Variants in SIMC1 observed in about 807,000 individuals in gnomAD.
SIMC1 encodes SUMO-interacting motif-containing protein 1.
SIMC1 carries 55 observed loss-of-function variants against 82.3 expected under a neutral mutation model. The ratio of observed to expected loss-of-function variants is 0.67; its 90% CI spans 0.54 to 0.84. SIMC1 has a LOEUF of 0.84. Among genes scored for constraint, SIMC1 ranks in the 40% least tolerant of loss-of-function variants. SIMC1 has a pLI of 0.00. For synonymous variants in SIMC1, 353 were observed against 426.3 expected (o/e 0.83, Z 2.12); for missense variants, 915 against 1,107.2 (o/e 0.83, Z 2.46).
intron 1 of SIMC1, among the ~76,000 whole-genome samples, chr5:176,285,515 AC>A (rs1328543681): frequency 2.6e-5 from 4 of 152,158 alleles, no homozygotes; most frequent in Admixed American, 2.0e-4. Context: ...TTTATGACAA[AC>A]CCACAGCCAA....
intron 4 of SIMC1, among the ~76,000 whole-genome samples, chr5:176,298,851 A>C (rs746253824): frequency 2.6e-5 from 4 of 152,176 alleles, no homozygotes; most frequent in Non-Finnish European, 4.4e-5. Flanking sequence ...AAATCAAAGC[A>C]TGTCACTACA....
intron 9 of SIMC1, among the ~76,000 whole-genome samples, chr5:176,341,253 A>G (rs1356957441): frequency 6.6e-6 from 1 of 152,256 alleles, no homozygotes; most frequent in Non-Finnish European, 1.5e-5. Context: ...CTTGAGGCAA[A>G]AAGATGCTTA....
At position 176,313,820 on chromosome 5, in the gene SIMC1, T is replaced by C; in HGVS notation, c.1864T>C (p.Cys622Arg). 1 of 1,613,740 alleles carries C rather than the reference T, an allele frequency of 6.2e-7. No homozygotes were observed. Residue 622 changes from cysteine (C) to arginine (R), a missense_variant, in exon 5 of 10, where the codon TGT (cysteine) becomes CGT (arginine). Physicochemically the swap from Cys to Arg is radical, Grantham distance 180. Coordinates refer to ENST00000429602, the MANE Select transcript of SIMC1 (RefSeq NM_001308195.2). Reference sequence around the variant, plus strand: ...ATCCATTGCAAACATGGTGCTTTCCTGTGACAAGCAGCCCCACAATGTCAG... The same window carrying C: ...ATCCATTGCAAACATGGTGCTTTCCCGTGACAAGCAGCCCCACAATGTCAG... ...QQSIANMVLS[C>R]DKQPHNVRDV...
intron 1 of SIMC1, among the ~76,000 whole-genome samples, chr5:176,276,306 A>T (rs143118393): frequency 0.021 from 3,239 of 151,224 alleles, 99 homozygotes; most frequent in Middle Eastern, 0.068. Context: ...TTTCTTTGGG[A>T]TCGGTGGTGA....
intron 1 of SIMC1, among the ~76,000 whole-genome samples, chr5:176,253,305 T>G (rs1761749670): frequency 1.3e-5 from 2 of 152,216 alleles, no homozygotes; most frequent in African/African-American, 4.8e-5. Flanking sequence ...TTAATATTTT[T>G]TCCTTCATTT....
chr5:176,315,769 A>G (rs1764875328), intron 5 of SIMC1, among the ~76,000 whole-genome samples: 1 of 152,122 alleles, frequency 6.6e-6, no homozygotes, highest in African/African-American at 2.4e-5. Context: ...GCCCATATTT[A>G]TTTCCCTATA....
In SIMC1 at chr5:176,248,653, G is replaced by C. The variant is rs1761535089; in HGVS notation, c.129+10016G>C. Among the ~76,000 whole-genome samples, 2 of 152,154 alleles carry C rather than the reference G, an allele frequency of 1.3e-5. 1 individual carries two copies. Among genetic ancestry groups the C allele is most frequent in the Non-Finnish European group, 2.9e-5 (2 of 68,026 alleles). On this transcript the variant is annotated intron_variant, in intron 1 of 9. Transcript: ENST00000429602. ...AACTTCCAATACTATGTTGAATGGA[G>C]TGGTGAGAGAGGGCATCCTTGTCTT...
chr5:176,299,318 A>G (rs1763944459), intron 4 of SIMC1, among the ~76,000 whole-genome samples: 1 of 152,070 alleles, frequency 6.6e-6, no homozygotes, highest in African/African-American at 2.4e-5. Flanking sequence ...CCGTGAGCCC[A>G]GGAGTTCTAG....
intron 1 of SIMC1, among the ~76,000 whole-genome samples, chr5:176,269,768 T>G (rs1267563339): frequency 6.6e-6 from 1 of 152,080 alleles, no homozygotes; most frequent in Non-Finnish European, 1.5e-5. Context: ...TTCTGAGAGA[T>G]GACGCCTCAC....
At chr5:176,312,262 G>A (rs777247533) in intron 4 of SIMC1, among the ~76,000 whole-genome samples, 5 of 152,106 alleles carry the variant, frequency 3.3e-5, no homozygotes, top group African/African-American at 4.8e-5. Context: ...AAGGCCAGGC[G>A]CAGCGGCTCA....
intron 1 of SIMC1, among the ~76,000 whole-genome samples, chr5:176,259,735 T>C (rs1223788899): frequency 1.3e-5 from 2 of 151,452 alleles, no homozygotes; most frequent in African/African-American, 4.8e-5. Context: ...ATCGTGCCAC[T>C]GCACTCCAGC....
chr5:176,326,789 TC>T (rs1561726923), intron 7 of SIMC1, among the ~76,000 whole-genome samples: 1 of 152,120 alleles, frequency 6.6e-6, no homozygotes, highest in African/African-American at 2.4e-5. Context: ...GGTCTCAAAC[TC>T]CTGACCTCAG....
chr5:176,279,243 T>C (rs2113214437), intron 1 of SIMC1, among the ~76,000 whole-genome samples: 1 of 152,296 alleles, frequency 6.6e-6, no homozygotes, highest in South Asian at 2.1e-4. Flanking sequence ...TGCGTAGAGG[T>C]GTTTGTAGTA....
At chr5:176,303,045 T>A (rs1439344111) in intron 4 of SIMC1, among the ~76,000 whole-genome samples, 1 of 151,996 alleles carries the variant, frequency 6.6e-6, no homozygotes, top group African/African-American at 2.4e-5. Context: ...TTTGTAGAAA[T>A]AGAAAATTCC....
chr5:176,246,749 T>A (rs982023265), intron 1 of SIMC1, among the ~76,000 whole-genome samples: 25 of 151,798 alleles, frequency 1.6e-4, no homozygotes, highest in Non-Finnish European at 1.5e-5. Context: ...CCTAATGCAA[T>A]CCCTCCCCTA....
At chr5:176,275,801 C>T (rs2113199886) in intron 1 of SIMC1, among the ~76,000 whole-genome samples, 1 of 151,790 alleles carries the variant, frequency 6.6e-6, no homozygotes, top group South Asian at 2.1e-4. Flanking sequence ...TTGAACCAGC[C>T]TTGCATCCCA....
chr5:176,281,007 A>G (rs1297036214), intron 1 of SIMC1, among the ~76,000 whole-genome samples: 1 of 152,150 alleles, frequency 6.6e-6, no homozygotes, highest in African/African-American at 2.4e-5. Flanking sequence ...GTTCTCCTGG[A>G]TGATATCCTG....
chr5:176,249,792 C>T (rs1223585150), intron 1 of SIMC1, among the ~76,000 whole-genome samples: 1 of 131,320 alleles, frequency 7.6e-6, no homozygotes, highest in Non-Finnish European at 1.5e-5. Flanking sequence ...TGCAGTGAGC[C>T]GAGATCATGC....
intron 1 of SIMC1, among the ~76,000 whole-genome samples, chr5:176,265,477 G>C (rs1762170467): frequency 6.6e-6 from 1 of 152,232 alleles, no homozygotes; most frequent in Non-Finnish European, 1.5e-5. Flanking sequence ...AGGTGAATCT[G>C]ACACTTCCAA....
Sources: gnomAD v4.1 joint callset for allele counts (sites outside exome capture counted in the v4.1 genomes callset) on GRCh38, gnomAD v4.1.1 for gene constraint, MANE v1.5 for transcripts, NCBI Gene and HGNC (gene_info 2026-07-23, HGNC 2026-07-21) for gene names.